The following CACNA1I variants were observed in gnomAD, a reference collection of about 807,000 sequenced individuals.
CACNA1I encodes voltage-dependent T-type calcium channel subunit alpha-1I.
CACNA1I carries 74 observed loss-of-function variants against 201.6 expected under a neutral mutation model. The observed-to-expected ratio is 0.37, with a 90% CI of 0.30 to 0.45. The LOEUF (loss-of-function observed/expected upper bound fraction) is 0.45, where lower values mean the gene tolerates loss of function less well. Among genes scored for constraint, CACNA1I ranks in the 20% least tolerant of loss-of-function variants. The probability of loss-of-function intolerance (pLI) is 1.00; values close to 1 mark genes in which losing one functional copy is unlikely to be tolerated. For missense variants in CACNA1I, 2,346 were observed against 3,138.1 expected, an observed-to-expected ratio of 0.75 and a Z score of 6.03; for synonymous variants, 1,431 against 1,345.2, an observed-to-expected ratio of 1.06 and a Z score of -1.40.
chr22:39,646,900 G>A lies in CACNA1I; in HGVS notation c.1462+19G>A, dbSNP rs943154979. 2.7e-6 allele frequency: 4 copies of A among 1,467,318 alleles called. No individual in the cohort carries two copies. Among genetic ancestry groups the A allele is most frequent in the Admixed American group, 2.7e-5 (1 of 36,728 alleles). The allele number at this position is 1,467,318 out of a possible 1,614,324, so 90.9% of individuals were successfully genotyped here. A position where few individuals can be genotyped will look rare whatever the true frequency, so the allele number is the denominator to read the frequency against. On this transcript the variant is annotated intron_variant, in intron 8 of 36. Transcript: ENST00000402142. ...CACTACCGTAAGTGGCCCTGCATCC[G>A]ACGCGGCACTCAGGCACTTCGTGCC...
intron 1 of CACNA1I, among the ~76,000 whole-genome samples, chr22:39,596,659 G>A (rs531788973): frequency 7.2e-5 from 11 of 151,950 alleles, no homozygotes; most frequent in African/African-American, 2.7e-4. Context: ...GTGCTGGGGA[G>A]GGAGGTGGTC....
In CACNA1I at chr22:39,664,930, A is replaced by T. The variant is rs117811966; in HGVS notation, c.3851+7A>T. ...GCACCCTACGCCCCCTGCGGTGAGG[A>T]CCCCTCCTGGGCGGATGGGGGAAAG... On this transcript the variant is annotated splice_region_variant and intron_variant, in intron 21 of 36. Coordinates refer to ENST00000402142, the MANE Select transcript of CACNA1I (RefSeq NM_021096.4). 35 of 1,609,798 alleles carry T rather than the reference A, an allele frequency of 2.2e-5. No homozygotes were observed. In the East Asian group the frequency reaches 7.8e-4, roughly 36 times the overall value.
At chr22:39,601,943 T>C (rs1933062242) in intron 3 of CACNA1I, among the ~76,000 whole-genome samples, 1 of 44,338 alleles carries the variant, frequency 2.3e-5, no homozygotes, top group Non-Finnish European at 4.5e-5. Flanking sequence ...CCTTCCTTCC[T>C]TCCTTCCTTC....
chr22:39,623,853 A>C (rs535611211), intron 4 of CACNA1I, among the ~76,000 whole-genome samples: 9 of 122,496 alleles, frequency 7.3e-5, no homozygotes, highest in Non-Finnish European at 1.5e-4. Flanking sequence ...GTGTGCGTCC[A>C]TAAAGGGGTG....
intron 26 of CACNA1I, among the ~76,000 whole-genome samples, 182 bp from the exon 27 acceptor site, chr22:39,672,017 G>A (rs954070025): frequency 2.6e-5 from 4 of 152,172 alleles, no homozygotes; most frequent in Non-Finnish European, 5.9e-5. Context: ...GGAACAGAAG[G>A]AATAGCAGCA....
intron 3 of CACNA1I, among the ~76,000 whole-genome samples, chr22:39,612,508 A>AT (rs1933413337): frequency 3.3e-5 from 5 of 152,098 alleles, no homozygotes; most frequent in Admixed American, 3.3e-4. Flanking sequence ...GGCAGATTCA[A>AT]TGTCTGGTGG....
chr22:39,618,163 G>T (rs944711874), intron 3 of CACNA1I, among the ~76,000 whole-genome samples: 9 of 151,386 alleles, frequency 5.9e-5, no homozygotes, highest in African/African-American at 1.9e-4. Context: ...TTTTTTGGAG[G>T]TGTGTGACTG....
At chr22:39,637,940 AT>A (rs879558234) in intron 5 of CACNA1I, among the ~76,000 whole-genome samples, 181 of 146,068 alleles carry the variant, frequency 1.2e-3, no homozygotes, top group Non-Finnish European at 1.1e-3. Flanking sequence ...TGGAGTCAAG[AT>A]TTTTTTTTTT....
chr22:39,612,253 C>T (rs1226329646), intron 3 of CACNA1I, among the ~76,000 whole-genome samples: 3 of 152,194 alleles, frequency 2.0e-5, no homozygotes, highest in South Asian at 2.1e-4. Context: ...AGAAAGTCCT[C>T]GCCAGATGCA....
intron 1 of CACNA1I, among the ~76,000 whole-genome samples, chr22:39,585,755 G>A (rs1266474321): frequency 3.5e-5 from 4 of 112,790 alleles, no homozygotes; most frequent in Non-Finnish European, 5.2e-5. Context: ...TTTGCAATGC[G>A]GTCTCACTAT....
Position 39,598,230 on chromosome 22 carries a change from G to T in CACNA1I, c.316G>T (p.Asp106Tyr). Residue 106 changes from aspartate (D) to tyrosine (Y), a missense_variant, in exon 2 of 37, where the codon GAC becomes TAC. This residue lies in a region of CACNA1I where 130 missense variants were observed against 160.7 expected (regional missense o/e 0.81). Transcript: ENST00000402142. ...CATGTACCAGCCGTGCGACGACATG[G>T]ACTGCCTGTCCGACCGCTGCAAGAT... ...LGMYQPCDDM[D>Y]CLSDRCKILQ... 6.2e-7 allele frequency: 1 copy of T among 1,605,596 alleles called. No homozygotes were observed.
chr22:39,662,319 G>T lies in CACNA1I; in HGVS notation c.3256G>T (p.Gly1086Cys). The T allele has an allele frequency of 2.7e-6, 4 of 1,480,706 alleles. No homozygotes were observed. Among genetic ancestry groups the T allele is most frequent in the Non-Finnish European group, 3.6e-6 (4 of 1,124,072 alleles). The allele number at this position is 1,480,706 out of a possible 1,614,324, so 91.7% of individuals were successfully genotyped here. The change falls in exon 17 of 37, where the codon GGC becomes TGC. Residue 1086 changes from glycine to cysteine, a missense_variant. By Grantham distance (159) the Gly-to-Cys change is radical (BLOSUM62 -3). Coordinates refer to ENST00000402142, the MANE Select transcript of CACNA1I (RefSeq NM_021096.4). ...AHPRAAWRAA[G>C]PAPGHEDCNG... Reference sequence around the variant, plus strand: ...CCCCCGGGCCGCCTGGAGGGCGGCAGGCCCGGCCCCCGGGCATGAGGACTG... The same window carrying T: ...CCCCCGGGCCGCCTGGAGGGCGGCATGCCCGGCCCCCGGGCATGAGGACTG...
intron 1 of CACNA1I, among the ~76,000 whole-genome samples, chr22:39,575,033 G>A (rs1331060700): frequency 2.6e-5 from 4 of 152,258 alleles, no homozygotes; most frequent in Non-Finnish European, 5.9e-5. Context: ...TGTGGAGCCT[G>A]CAAGGTGGGG....
At chr22:39,664,250 C>T (rs1362911696) in intron 20 of CACNA1I, 91 bp downstream of exon 20, 3 of 1,078,124 alleles carry the variant, frequency 2.8e-6, no homozygotes, top group African/African-American at 1.6e-5. Flanking sequence ...CACTCGCCTG[C>T]CATCGGCTTC....
chr22:39,686,103 T>C lies in CACNA1I; in HGVS notation c.6370T>C (p.Ser2124Pro). 8.8e-7 allele frequency: 1 copy of C among 1,139,350 alleles called. No individual in the cohort carries two copies. Among genetic ancestry groups the C allele is most frequent in the Non-Finnish European group, 1.1e-6 (1 of 926,956 alleles). The allele number at this position is 1,139,350 out of a possible 1,614,324, so 70.6% of individuals were successfully genotyped here. ...CGGCGGGGGCGCGGGCAGCGAGCAC[T>C]CGGAGACCCTCAGCAGCCTCTCGCT... ...AGGGGAGSEH[S>P]ETLSSLSLTS... Residue 2124 changes from serine to proline, a missense_variant, in exon 37 of 37, where the codon TCG becomes CCG. By Grantham distance (74) the Ser-to-Pro change is moderately conservative. Coordinates refer to ENST00000402142, the MANE Select transcript of CACNA1I (RefSeq NM_021096.4).
intron 10 of CACNA1I, among the ~76,000 whole-genome samples, chr22:39,652,420 A>G (rs1934679062): frequency 6.6e-6 from 1 of 152,168 alleles, no homozygotes; most frequent in Non-Finnish European, 1.5e-5. Flanking sequence ...TTCCTCATCT[A>G]CTAAGCAGAT....
At chr22:39,627,026 A>C (rs1321648907) in intron 4 of CACNA1I, among the ~76,000 whole-genome samples, 1 of 152,222 alleles carries the variant, frequency 6.6e-6, no homozygotes, top group East Asian at 1.9e-4. Context: ...GGCTGGGGAC[A>C]GAGCTAGGGT....
rs572010062 is a variant in CACNA1I at position 39,666,118 on chromosome 22, TC to T, written c.4104+114del. On this transcript the variant is annotated intron_variant, in intron 23 of 36. Coordinates refer to ENST00000402142, the MANE Select transcript of CACNA1I (RefSeq NM_021096.4). The surrounding 1 kb of genome is among the most constrained non-coding windows in gnomAD (Gnocchi z 4.1). ...CACTGCCAGGACTGACACTGACTTCTCCTCTCCAAGCCTCAGTTTCCTCTTC... is the reference window on the plus strand; with the variant it reads ...CACTGCCAGGACTGACACTGACTTCTCTCTCCAAGCCTCAGTTTCCTCTTC... 230 of 1,340,118 alleles carry T rather than the reference TC, an allele frequency of 1.7e-4. 1 individual carries two copies. The highest frequency in any genetic ancestry group is 1.9e-4 in the Non-Finnish European group (186 of 970,816). 83.0% of individuals were successfully genotyped at this position (1,340,118 alleles called of 1,614,324 possible).
chr22:39,571,203 G>A, intron 1 of CACNA1I: 1 of 593,732 alleles, frequency 1.7e-6, no homozygotes, highest in Non-Finnish European at 3.0e-6. Flanking sequence ...GAAGGTTCTG[G>A]AAGTTGCTGG....
Sources: gnomAD v4.1 joint callset for allele counts (sites outside exome capture counted in the v4.1 genomes callset) on GRCh38, gnomAD v4.1.1 for gene constraint, gnomAD v4.1.1 regional missense constraint, Gnocchi (gnomAD v3.1) non-coding constraint, MANE v1.5 for transcripts, NCBI Gene and HGNC (gene_info 2026-07-23, HGNC 2026-07-21) for gene names.